CAPS2: variants seen among roughly 807,000 people sequenced by gnomAD.
CAPS2 encodes the protein calcyphosine 2, also known as calcyphosin-2.
CAPS2 carries 98 observed loss-of-function variants against 86.5 expected under a neutral mutation model. The ratio of observed to expected loss-of-function variants is 1.13; its 90% CI spans 0.96 to 1.34. The LOEUF (loss-of-function observed/expected upper bound fraction) is 1.34, where lower values mean the gene tolerates loss of function less well. Ranked by LOEUF, CAPS2 falls within the 40% of genes most tolerant of loss-of-function variation. The probability of loss-of-function intolerance (pLI) is 0.00; values close to 1 mark genes in which losing one functional copy is unlikely to be tolerated. For missense variants in CAPS2, 729 were observed against 686.8 expected (o/e 1.06, Z -0.69); for synonymous variants, 210 against 225.1 (o/e 0.93, Z 0.60).
chr12:75,283,707 G>T (rs897908198), intron 15 of CAPS2, among the ~76,000 whole-genome samples: 3 of 152,060 alleles, frequency 2.0e-5, no homozygotes, highest in Non-Finnish European at 4.4e-5. Context: ...CCAGGTACTT[G>T]GGAGGCTGAG....
At chr12:75,331,774 G>A (rs969463708), upstream of CAPS2, among the ~76,000 whole-genome samples, 1 of 151,716 alleles carries the variant, frequency 6.6e-6, no homozygotes, top group Non-Finnish European at 1.5e-5. Context: ...CGTTTTAGCC[G>A]GGATGGTCTC....
chr12:75,303,344 A>G (rs1313252716), intron 8 of CAPS2, among the ~76,000 whole-genome samples: 1 of 152,240 alleles, frequency 6.6e-6, no homozygotes, highest in Admixed American at 6.5e-5. Context: ...CAAGCTGGAC[A>G]CAGAGTCTAG....
upstream of CAPS2, among the ~76,000 whole-genome samples, chr12:75,328,496 C>G (rs1454251379): frequency 1.3e-5 from 2 of 152,138 alleles, no homozygotes; most frequent in East Asian, 3.8e-4. Context: ...TTTTCTTTCC[C>G]CTAATAAACA....
At chr12:75,334,444 T>C (rs2041564243), upstream of CAPS2, 1 of 1,224,754 alleles carries the variant, frequency 8.2e-7, no homozygotes, top group Non-Finnish European at 1.0e-6. Context: ...CTCTGCAGAT[T>C]ACAGATTGGA....
chr12:75,277,785 A>G, exon 17 of CAPS2: 1 of 817,546 alleles, frequency 1.2e-6, no homozygotes, highest in Non-Finnish European at 1.5e-6. Context: ...TTATATTAAC[A>G]TAGAAAATTT....
intron 1 of CAPS2, among the ~76,000 whole-genome samples, chr12:75,353,061 C>T (rs1265053176): frequency 1.3e-5 from 2 of 152,106 alleles, no homozygotes; most frequent in South Asian, 2.1e-4. Context: ...CCCAAATTGA[C>T]ATCCTAACAT....
At chr12:75,280,181 A>C (rs1188236182) in intron 16 of CAPS2, among the ~76,000 whole-genome samples, 1 of 151,914 alleles carries the variant, frequency 6.6e-6, no homozygotes, top group East Asian at 1.9e-4. Flanking sequence ...ACTTAAGCAA[A>C]TTTAAGAAGG....
At chr12:75,326,584 G>T, upstream of CAPS2, 2 of 777,960 alleles carry the variant, frequency 2.6e-6, no homozygotes, top group Non-Finnish European at 4.4e-6. Context: ...TTTTAAATAA[G>T]TCATACAAAT....
At chr12:75,289,117 A>G (rs1224184524) in intron 14 of CAPS2, among the ~76,000 whole-genome samples, 2 of 152,126 alleles carry the variant, frequency 1.3e-5, no homozygotes, top group African/African-American at 4.8e-5. Flanking sequence ...CTTCCCCTCC[A>G]AGCTTTCACA....
chr12:75,277,745 T>C, exon 17 of CAPS2: 1 of 830,210 alleles, frequency 1.2e-6, no homozygotes, highest in South Asian at 5.5e-5. Context: ...AATATTTTCA[T>C]TTTGAATCAC....
chr12:75,314,413 T>C (rs754167902), intron 6 of CAPS2, among the ~76,000 whole-genome samples: 1 of 152,128 alleles, frequency 6.6e-6, no homozygotes. Flanking sequence ...TAAATATTAT[T>C]TAGCCTACAC....
At chr12:75,363,122 C>G (rs1005432558) in intron 1 of CAPS2, 1 of 1,558,384 alleles carries the variant, frequency 6.4e-7, no homozygotes, top group Non-Finnish European at 8.6e-7. Flanking sequence ...GCAAATATGC[C>G]TCCTTACGTA....
At chr12:75,327,475 T>A (rs1021915544), upstream of CAPS2, among the ~76,000 whole-genome samples, 3 of 152,214 alleles carry the variant, frequency 2.0e-5, no homozygotes, top group Admixed American at 1.3e-4. Flanking sequence ...ATTTTATACT[T>A]CACCTTTATA....
chr12:75,353,545 C>T (rs117972313), intron 1 of CAPS2, among the ~76,000 whole-genome samples: 28,682 of 152,124 alleles, frequency 0.19, 3,167 homozygotes, highest in Middle Eastern at 0.26. Context: ...GACAGATTTA[C>T]AGCTGAATTC....
At chr12:75,281,872 A>T (rs2138037803) in intron 16 of CAPS2, among the ~76,000 whole-genome samples, 1 of 152,220 alleles carries the variant, frequency 6.6e-6, no homozygotes, top group East Asian at 1.9e-4. Flanking sequence ...CTAGAGAAAG[A>T]CACTCCTTCA....
At chr12:75,278,005 T>C in exon 17 of CAPS2, 3 of 894,400 alleles carry the variant, frequency 3.4e-6, no homozygotes, top group Non-Finnish European at 4.0e-6. Context: ...AAATATGCTT[T>C]CACATTTTAG....
intron 6 of CAPS2, among the ~76,000 whole-genome samples, chr12:75,314,212 G>A (rs1210261876): frequency 6.6e-6 from 1 of 151,960 alleles, no homozygotes; most frequent in Non-Finnish European, 1.5e-5. Context: ...GAGCCACCAT[G>A]GCCAGCCTAA....
At position 75,316,308 on chromosome 12, in the gene CAPS2, T is replaced by C; in HGVS notation, c.591+4A>G. ...CCAAATAAGTAAAAATGCTGACAAC[T>C]TACTGCATCCAATTTTCTTGCCCTC... is the stretch of plus-strand genomic sequence containing the variant. On this transcript the variant is annotated splice_donor_region_variant and intron_variant, in intron 6 of 16. Coordinates refer to ENST00000393284, the Ensembl canonical transcript of CAPS2. 6.4e-7 allele frequency: 1 copy of C among 1,550,482 alleles called. No individual in the cohort carries two copies.
At chr12:75,387,909 A>T (rs1357081125) in intron 1 of CAPS2, among the ~76,000 whole-genome samples, 1 of 152,202 alleles carries the variant, frequency 6.6e-6, no homozygotes, top group Non-Finnish European at 1.5e-5. Context: ...ATGATCCAGC[A>T]ATCATGCTCA....
Sources: allele counts gnomAD v4.1 joint callset (sites outside exome capture counted in the v4.1 genomes callset), GRCh38; gene constraint gnomAD v4.1.1; transcripts MANE v1.5; gene names NCBI Gene and HGNC (gene_info 2026-07-23, HGNC 2026-07-21).